SNX24: variants seen among roughly 807,000 people sequenced by gnomAD.
The protein encoded by SNX24 is sorting nexin 24.
SNX24 carries 22 observed loss-of-function variants against 28.7 expected under a neutral mutation model. That is an observed-to-expected ratio of 0.77 (90% CI 0.55 to 1.10). The LOEUF (loss-of-function observed/expected upper bound fraction) is 1.10, where lower values mean the gene tolerates loss of function less well. Ranked by LOEUF, SNX24 falls within the 50% of genes least tolerant of loss-of-function variation. SNX24 has a pLI of 0.00. For synonymous variants in SNX24, 69 were observed against 71.5 expected, an observed-to-expected ratio of 0.96 and a Z score of 0.18; for missense variants, 221 against 201.1, an observed-to-expected ratio of 1.10 and a Z score of -0.60.
intron 1 of SNX24, among the ~76,000 whole-genome samples, chr5:122,885,343 G>T (rs543022439): frequency 6.6e-6 from 1 of 152,232 alleles, no homozygotes; most frequent in East Asian, 1.9e-4. Context: ...GTGAGGTGGG[G>T]GTAGGGGAGC....
At chr5:122,953,987 C>T (rs1322911234) in intron 3 of SNX24, among the ~76,000 whole-genome samples, 1 of 152,126 alleles carries the variant, frequency 6.6e-6, no homozygotes, top group Non-Finnish European at 1.5e-5. Flanking sequence ...ACTGTCTTCA[C>T]AAGACCCTAT....
At chr5:122,895,003 C>T (rs1481181890) in intron 1 of SNX24, among the ~76,000 whole-genome samples, 2 of 105,512 alleles carry the variant, frequency 1.9e-5, no homozygotes, top group Non-Finnish European at 1.8e-5. Context: ...TTTAGTTTAA[C>T]AGTACTTTTT....
intron 3 of SNX24, among the ~76,000 whole-genome samples, chr5:122,974,640 G>A (rs991695280): frequency 1.4e-4 from 22 of 152,230 alleles, no homozygotes; most frequent in Non-Finnish European, 8.8e-5. Context: ...AAGCTTATGC[G>A]AATACACTGT....
intron 1 of SNX24, among the ~76,000 whole-genome samples, chr5:122,893,646 T>A (rs1002540559): frequency 2.0e-5 from 3 of 152,208 alleles, no homozygotes; most frequent in Non-Finnish European, 4.4e-5. Flanking sequence ...AGCCCAAAAC[T>A]GTTTTAACAA....
intron 3 of SNX24, among the ~76,000 whole-genome samples, chr5:122,975,177 G>T (rs1048170834): frequency 2.6e-5 from 4 of 152,094 alleles, no homozygotes; most frequent in Non-Finnish European, 5.9e-5. Context: ...AGCTCTTATG[G>T]TATTGGTCTT....
At chr5:122,885,558 A>AGGAATGTGGGGT (rs1756671828) in intron 1 of SNX24, among the ~76,000 whole-genome samples, 1 of 151,320 alleles carries the variant, frequency 6.6e-6, no homozygotes, top group South Asian at 2.1e-4. Flanking sequence ...TATATCTCTA[A>AGGAATGTGGGGT]GGAATTTGGG....
At chr5:122,952,321 TAAAA>T (rs1261531800) in intron 3 of SNX24, among the ~76,000 whole-genome samples, 1 of 152,102 alleles carries the variant, frequency 6.6e-6, no homozygotes. Context: ...ATGAATTTTT[TAAAA>T]AAAGAATTTT....
At chr5:122,893,629 G>C (rs1757077895) in intron 1 of SNX24, among the ~76,000 whole-genome samples, 2 of 151,826 alleles carry the variant, frequency 1.3e-5, no homozygotes, top group Non-Finnish European at 2.9e-5. Flanking sequence ...AATAATTCTA[G>C]CATTTCAGCC....
chr5:122,940,398 C>T (rs1759388119), intron 2 of SNX24, among the ~76,000 whole-genome samples: 1 of 152,124 alleles, frequency 6.6e-6, no homozygotes, highest in Non-Finnish European at 1.5e-5. Context: ...TGCTGCAGAC[C>T]AGTTTTCCTA....
At chr5:122,990,115 C>G (rs917367868) in intron 3 of SNX24, among the ~76,000 whole-genome samples, 4 of 152,174 alleles carry the variant, frequency 2.6e-5, no homozygotes, top group Admixed American at 2.6e-4. Context: ...GCCATCTCCA[C>G]AAGGGCCACT....
intron 3 of SNX24, among the ~76,000 whole-genome samples, chr5:122,974,895 C>T (rs1397611985): frequency 1.3e-5 from 2 of 152,198 alleles, no homozygotes; most frequent in Non-Finnish European, 2.9e-5. Flanking sequence ...GTGGGTGCTG[C>T]CAGCTGCTAA....
chr5:122,904,923 T>C (rs1757585684), intron 1 of SNX24, among the ~76,000 whole-genome samples: 1 of 152,182 alleles, frequency 6.6e-6, no homozygotes, highest in Non-Finnish European at 1.5e-5. Flanking sequence ...CGTCTCGTAT[T>C]TCCCCACTCA....
intron 3 of SNX24, among the ~76,000 whole-genome samples, chr5:122,995,398 A>G (rs1045296626): frequency 1.3e-5 from 2 of 152,120 alleles, no homozygotes; most frequent in Non-Finnish European, 2.9e-5. Flanking sequence ...TATGGAAACT[A>G]TTTTGAAATC....
At chr5:122,994,628 A>C (rs1761986135) in intron 3 of SNX24, among the ~76,000 whole-genome samples, 2 of 152,244 alleles carry the variant, frequency 1.3e-5, no homozygotes, top group South Asian at 4.1e-4. Context: ...GTACCTTTTC[A>C]ATAAAAAGAG....
chr5:123,006,886 A>T lies in SNX24; in HGVS notation c.443-796A>T, dbSNP rs561697997. Among the ~76,000 whole-genome samples, 571 of 152,326 alleles carry T rather than the reference A, an allele frequency of 3.7e-3. 4 individuals are homozygous for T. Among genetic ancestry groups the T allele is most frequent in the African/African-American group, 0.013 (527 of 41,576 alleles). On this transcript the variant is annotated intron_variant, in intron 6 of 6. Coordinates refer to ENST00000261369, the MANE Select transcript of SNX24 (RefSeq NM_014035.4). ...CTAGATGCATATTTTTTTTCTTAAA[A>T]TATTGGACTACTTTTATTTTCTTAC...
At chr5:122,995,452 A>C (rs182215516) in intron 3 of SNX24, among the ~76,000 whole-genome samples, 7 of 152,074 alleles carry the variant, frequency 4.6e-5, no homozygotes, top group Non-Finnish European at 1.0e-4. Context: ...TCCTAGGTTT[A>C]TTCTTATTTC....
At chr5:122,893,187 TTCTATTAC>T (rs1757052942) in intron 1 of SNX24, among the ~76,000 whole-genome samples, 3 of 152,184 alleles carry the variant, frequency 2.0e-5, no homozygotes, top group African/African-American at 7.2e-5. Flanking sequence ...TCAAAGTGTT[TTCTATTAC>T]TGTCATCATT....
intron 1 of SNX24, among the ~76,000 whole-genome samples, chr5:122,921,930 CTTTG>C (rs750382478): frequency 9.2e-5 from 14 of 152,178 alleles, no homozygotes; most frequent in African/African-American, 1.9e-4. Context: ...AGCAGAATCT[CTTTG>C]TTTGGGGTAA....
rs151163253 is a variant in SNX24 at position 122,978,430 on chromosome 5, T to C, written c.250-21482T>C. On this transcript the variant is annotated intron_variant, in intron 3 of 6. Coordinates refer to ENST00000261369, the MANE Select transcript of SNX24 (RefSeq NM_014035.4). Reference sequence around the variant, plus strand: ...ACATGGCAGTGTATATTTTTTTCTATCAAACTTCTTGTTAGACTTTCTAGA... The same window carrying C: ...ACATGGCAGTGTATATTTTTTTCTACCAAACTTCTTGTTAGACTTTCTAGA... Among the ~76,000 whole-genome samples, 16 of 152,344 alleles carry C rather than the reference T, an allele frequency of 1.1e-4. No individual in the cohort carries two copies. In the East Asian group the frequency reaches 3.1e-3, roughly 29 times the overall value.
Sources: gnomAD v4.1 joint callset for allele counts (sites outside exome capture counted in the v4.1 genomes callset) on GRCh38, gnomAD v4.1.1 for gene constraint, MANE v1.5 for transcripts, NCBI Gene and HGNC (gene_info 2026-07-23, HGNC 2026-07-21) for gene names.